Variants in AP1G1 observed in about 807,000 individuals in gnomAD.
The protein encoded by AP1G1 is AP-1 complex subunit gamma-1.
In AP1G1, 7 loss-of-function variants were observed where a neutral mutation model predicts 108.3. The ratio of observed to expected loss-of-function variants is 0.06; its 90% CI spans 0.04 to 0.12. The LOEUF is 0.12. Ranked by LOEUF, AP1G1 falls within the 10% of genes least tolerant of loss-of-function variation. The pLI is 1.00. For synonymous variants in AP1G1, 379 were observed against 353.5 expected (o/e 1.07, Z -0.81); for missense variants, 756 against 1,010.7 (o/e 0.75, Z 3.42).
intron 9 of AP1G1, among the ~76,000 whole-genome samples, chr16:71,763,805 G>C (rs1476131756): frequency 1.3e-5 from 2 of 152,072 alleles, no homozygotes; most frequent in Non-Finnish European, 2.9e-5. Flanking sequence ...ATTAATAAAT[G>C]ATAGAATGAA....
chr16:71,751,138 G>A (rs1285784214), intron 13 of AP1G1: 2 of 139,584 alleles, frequency 1.4e-5, no homozygotes, highest in African/African-American at 5.4e-5. Context: ...CTGAGCAACA[G>A]ACTGAGACTC....
Position 71,789,409 on chromosome 16 carries a change from C to T in AP1G1, c.71G>A (p.Arg24Gln), listed in dbSNP as rs2032318699. Residue 24 changes from arginine (R) to glutamine (Q), a missense_variant, in exon 2 of 23, where the codon CGA (arginine) becomes CAA (glutamine). By Grantham distance (43) the Arg-to-Gln change is conservative (BLOSUM62 1). Transcript: ENST00000299980. ...IRTARTQAEEREMIQKECAAI... is the reference protein window; with the variant it reads ...IRTARTQAEEQEMIQKECAAI... The stretch of plus-strand genomic sequence containing the variant: ...AGCACATTCTTTCTGGATCATTTCT[C>T]GTTCTTCAGCTTGGGTTCGGGCTGT... 2.5e-6 allele frequency: 4 copies of T among 1,614,034 alleles called. No individual in the cohort carries two copies. The highest frequency in any genetic ancestry group is 1.1e-5 in the South Asian group (1 of 91,084).
intron 1 of AP1G1, among the ~76,000 whole-genome samples, chr16:71,798,545 A>G (rs996192209): frequency 4.0e-5 from 6 of 151,812 alleles, no homozygotes; most frequent in African/African-American, 1.2e-4. Context: ...GAAAAGAGGG[A>G]TATATATAAT....
chr16:71,737,882 A>G (rs531858329), intron 21 of AP1G1, among the ~76,000 whole-genome samples: 3 of 152,410 alleles, frequency 2.0e-5, no homozygotes, highest in Non-Finnish European at 4.4e-5. Flanking sequence ...ATTTTATTGG[A>G]ACAGAACTAT....
intron 11 of AP1G1, among the ~76,000 whole-genome samples, chr16:71,757,762 G>T (rs1442740127): frequency 2.0e-5 from 3 of 152,130 alleles, no homozygotes; most frequent in African/African-American, 4.8e-5. Context: ...AGAGACACAA[G>T]TTTCACTTTT....
chr16:71,771,232 A>G lies in AP1G1; in HGVS notation c.489T>C (p.His163=), dbSNP rs749786256. 7 of 1,606,954 alleles carry G rather than the reference A, an allele frequency of 4.4e-6. No individual in the cohort carries two copies. The East Asian group carries it at 1.3e-4, about 31-fold the overall frequency. The change falls in exon 5 of 23, where the codon CAT becomes CAC. Residue 163 remains histidine, a synonymous_variant. Coordinates refer to ENST00000299980, the MANE Select transcript of AP1G1 (RefSeq NM_001128.6). Reference sequence around the variant, plus strand: ...TAAGTTCAGGAACTTTCCTGATGACATGAACAGCACACAGTGCTGCCTATG... The same window carrying G: ...TAAGTTCAGGAACTTTCCTGATGACGTGAACAGCACACAGTGCTGCCTATG... ...LRKKAALCAV[H]VIRKVPELME... is the part of the protein sequence containing the mutation.
chr16:71,768,476 G>C (rs972487477), intron 6 of AP1G1, among the ~76,000 whole-genome samples: 1 of 125,270 alleles, frequency 8.0e-6, no homozygotes, highest in African/African-American at 3.2e-5. Flanking sequence ...ACCTCAGCCT[G>C]GGCGACAGAG....
intron 12 of AP1G1, among the ~76,000 whole-genome samples, chr16:71,755,770 C>T (rs144408575): frequency 0.037 from 5,689 of 151,922 alleles, 356 homozygotes; most frequent in African/African-American, 0.13. Flanking sequence ...CTCAGCCTGC[C>T]GAGTAGCTGG....
chr16:71,808,172 T>C (rs200349661), intron 1 of AP1G1: 4 of 1,117,680 alleles, frequency 3.6e-6, no homozygotes, highest in East Asian at 7.1e-5. Flanking sequence ...GTAAACAGTA[T>C]ACTCGCAGGT....
chr16:71,789,606 G>C, intron 1 of AP1G1, 124 bp from the exon 2 acceptor site: 2 of 970,824 alleles, frequency 2.1e-6, no homozygotes, highest in Non-Finnish European at 3.1e-6. Context: ...ATCCAGCTTA[G>C]CGAAGCTAAA....
chr16:71,748,194 T>G lies in AP1G1; in HGVS notation c.1625+57A>C, dbSNP rs2030285014. On this transcript the variant is annotated intron_variant, in intron 16 of 22. Coordinates refer to ENST00000299980, the MANE Select transcript of AP1G1 (RefSeq NM_001128.6). ...CCATGATAACAAGTTTTTTGGGATT[T>G]TTTTTGTTTTTTAATTACAAAACAA... The G allele has an allele frequency of 3.8e-6, 6 of 1,566,000 alleles. No homozygotes were observed. In the South Asian group the frequency reaches 7.2e-5, roughly 19 times the overall value.
In AP1G1 at chr16:71,731,656, A is replaced by T. The variant is rs945940855; in HGVS notation, c.*1402T>A. The T allele has an allele frequency of 5.2e-5, 8 of 152,582 alleles. No homozygotes were observed. Among genetic ancestry groups the T allele is most frequent in the Non-Finnish European group, 1.2e-4 (8 of 68,036 alleles). 9.5% of individuals were successfully genotyped at this position (152,582 alleles called of 1,614,324 possible). ...TCCAGCAACTCAATTTCAAAGTTTGATAACATATGGGTCCTTTCTAAAAAG... is the reference window on the plus strand; with the variant it reads ...TCCAGCAACTCAATTTCAAAGTTTGTTAACATATGGGTCCTTTCTAAAAAG... On this transcript the variant is annotated 3_prime_UTR_variant, in exon 23 of 23. Transcript: ENST00000299980.
chr16:71,784,229 T>C (rs768884533), intron 2 of AP1G1, among the ~76,000 whole-genome samples: 1 of 152,170 alleles, frequency 6.6e-6, no homozygotes, highest in Non-Finnish European at 1.5e-5. Context: ...AATAACACTA[T>C]AAAGTAGGCA....
chr16:71,760,552 A>T (rs1486412532), intron 10 of AP1G1, among the ~76,000 whole-genome samples: 1 of 151,672 alleles, frequency 6.6e-6, no homozygotes, highest in Non-Finnish European at 1.5e-5. Context: ...TCTCAAAAAA[A>T]AAAAAAAAAA....
chr16:71,780,340 A>T (rs915555251), intron 2 of AP1G1, among the ~76,000 whole-genome samples: 5 of 151,942 alleles, frequency 3.3e-5, no homozygotes, highest in African/African-American at 1.2e-4. Flanking sequence ...AAATTTTTTT[A>T]AATCAGCCAG....
At chr16:71,774,922 T>C (rs1195968279) in intron 2 of AP1G1, among the ~76,000 whole-genome samples, 1 of 151,604 alleles carries the variant, frequency 6.6e-6, no homozygotes, top group Non-Finnish European at 1.5e-5. Context: ...GGTTTCACCA[T>C]GTTGGTCAGG....
intron 1 of AP1G1, among the ~76,000 whole-genome samples, chr16:71,794,963 T>C (rs2032535651): frequency 6.6e-6 from 1 of 150,574 alleles, no homozygotes; most frequent in Admixed American, 6.7e-5. Flanking sequence ...GAATACAAAC[T>C]TGATAAATAC....
intron 21 of AP1G1, among the ~76,000 whole-genome samples, chr16:71,735,472 G>A (rs2045522086): frequency 6.6e-6 from 1 of 152,052 alleles, no homozygotes; most frequent in Admixed American, 6.5e-5. Flanking sequence ...GACCAGCCTG[G>A]CCAACACAGT....
chr16:71,768,860 G>A (rs1381415576), intron 6 of AP1G1, among the ~76,000 whole-genome samples: 1 of 140,500 alleles, frequency 7.1e-6, no homozygotes, highest in Non-Finnish European at 1.5e-5. Flanking sequence ...GGAACTTGCA[G>A]CGAGCCAAGA....
Sources: allele counts gnomAD v4.1 joint callset (sites outside exome capture counted in the v4.1 genomes callset), GRCh38; gene constraint gnomAD v4.1.1; transcripts MANE v1.5; gene names NCBI Gene and HGNC (gene_info 2026-07-23, HGNC 2026-07-21).